Variants in MAPK4 observed in about 807,000 individuals in gnomAD.
MAPK4 encodes the protein Erk3-related.
Under a neutral mutation model 47.7 loss-of-function variants are expected in MAPK4, and 22 were observed. That is an observed-to-expected ratio of 0.46 (90% CI 0.33 to 0.66). The LOEUF is 0.66. Ranked by LOEUF, MAPK4 falls within the 30% of genes least tolerant of loss-of-function variation. The pLI, the probability that MAPK4 is intolerant of heterozygous loss-of-function variation, is 0.02. For missense variants in MAPK4, 736 were observed against 831.7 expected, an observed-to-expected ratio of 0.88 and a Z score of 1.42; for synonymous variants, 390 against 365.7, an observed-to-expected ratio of 1.07 and a Z score of -0.76.
At chr18:50,610,876 T>G (rs917873270) in intron 1 of MAPK4, among the ~76,000 whole-genome samples, 1 of 152,172 alleles carries the variant, frequency 6.6e-6, no homozygotes, top group Admixed American at 6.5e-5. Flanking sequence ...GCCTAATATG[T>G]TACTTCTCCC....
intron 1 of MAPK4, among the ~76,000 whole-genome samples, chr18:50,573,905 AGTATTATAT>A (rs1464398859): frequency 6.6e-6 from 1 of 152,188 alleles, no homozygotes; most frequent in Non-Finnish European, 1.5e-5. Context: ...ATTTTGAGCC[AGTATTATAT>A]GATTTCCATT....
At position 50,663,819 on chromosome 18, in the gene MAPK4, G is replaced by C; in HGVS notation, c.-140G>C. ...TCTCGTCTCCAGAGAGCTGGTGGCAGTGACCTCACTAGGAGAAAACACATC... is the reference window on the plus strand; with the variant it reads ...TCTCGTCTCCAGAGAGCTGGTGGCACTGACCTCACTAGGAGAAAACACATC... On this transcript the variant is annotated 5_prime_UTR_variant, in exon 2 of 6. Transcript: ENST00000400384. The C allele has an allele frequency of 1.5e-6, 1 of 687,738 alleles. No homozygotes were observed. The highest frequency in any genetic ancestry group is 2.4e-6 in the Non-Finnish European group (1 of 412,372). The allele number at this position is 687,738 out of a possible 1,614,324, so 42.6% of individuals were successfully genotyped here. A position where few individuals can be genotyped will look rare whatever the true frequency, so the allele number is the denominator to read the frequency against.
intron 1 of MAPK4, among the ~76,000 whole-genome samples, chr18:50,613,874 G>A (rs2042660939): frequency 6.6e-6 from 1 of 152,164 alleles, no homozygotes. Context: ...TGCCCTAAGA[G>A]AGACCCTAAA....
At chr18:50,680,161 G>A (rs1465702263) in intron 2 of MAPK4, among the ~76,000 whole-genome samples, 4 of 124,498 alleles carry the variant, frequency 3.2e-5, no homozygotes, top group Admixed American at 1.1e-4. Flanking sequence ...GCGCAATCTC[G>A]GCTCACTGCA....
intron 1 of MAPK4, among the ~76,000 whole-genome samples, chr18:50,628,498 T>C (rs1191440603): frequency 6.6e-6 from 1 of 152,240 alleles, no homozygotes; most frequent in African/African-American, 2.4e-5. Flanking sequence ...CTTATCCAAG[T>C]AGCATGTAAT....
At chr18:50,610,969 G>A (rs1472578199) in intron 1 of MAPK4, among the ~76,000 whole-genome samples, 1 of 152,154 alleles carries the variant, frequency 6.6e-6, no homozygotes, top group African/African-American at 2.4e-5. Context: ...ATTTGGACAT[G>A]TACTTAGGTC....
At chr18:50,692,540 A>G (rs907309269) in intron 2 of MAPK4, among the ~76,000 whole-genome samples, 10 of 152,232 alleles carry the variant, frequency 6.6e-5, no homozygotes, top group African/African-American at 2.2e-4. Context: ...GACCTATAAA[A>G]AGGAAACAAC....
chr18:50,573,085 A>C (rs2042263955), intron 1 of MAPK4, among the ~76,000 whole-genome samples: 1 of 152,218 alleles, frequency 6.6e-6, no homozygotes, highest in African/African-American at 2.4e-5. Context: ...GTTAGCAGTG[A>C]TAAAGTAAGA....
intron 1 of MAPK4, among the ~76,000 whole-genome samples, chr18:50,633,947 G>A (rs904534653): frequency 1.3e-5 from 2 of 152,220 alleles, no homozygotes; most frequent in African/African-American, 4.8e-5. Flanking sequence ...GGGGGCCTTA[G>A]TAAGAATTCC....
chr18:50,726,182 G>C lies in MAPK4; in HGVS notation c.1067+7G>C. ...GGGACACGTGCAGTTCCAGGTGCTC[G>C]CAGCCCTGGGTTCCAGAGCCCACAT... On this transcript the variant is annotated splice_region_variant and intron_variant, in intron 5 of 5. Transcript: ENST00000400384. 4.3e-6 allele frequency: 7 copies of C among 1,613,160 alleles called. No individual in the cohort carries two copies. Among genetic ancestry groups the C allele is most frequent in the Non-Finnish European group, 5.9e-6 (7 of 1,179,824 alleles).
At chr18:50,596,634 C>T (rs978004915) in intron 1 of MAPK4, among the ~76,000 whole-genome samples, 1 of 152,138 alleles carries the variant, frequency 6.6e-6, no homozygotes, top group African/African-American at 2.4e-5. Flanking sequence ...ATCCATTGGC[C>T]ATAAGGTGCA....
intron 1 of MAPK4, among the ~76,000 whole-genome samples, chr18:50,606,071 G>A (rs2042581154): frequency 1.3e-5 from 2 of 151,558 alleles, no homozygotes; most frequent in African/African-American, 2.4e-5. Context: ...GCGGGGGCGG[G>A]GGTGGCAGAA....
chr18:50,582,297 G>A (rs963317523), intron 1 of MAPK4, among the ~76,000 whole-genome samples: 25 of 152,216 alleles, frequency 1.6e-4, no homozygotes, highest in African/African-American at 5.3e-4. Context: ...GCTCAGGTGC[G>A]GGTGCCCTTA....
chr18:50,620,773 G>T (rs1374643813), intron 1 of MAPK4, among the ~76,000 whole-genome samples: 1 of 151,608 alleles, frequency 6.6e-6, no homozygotes, highest in East Asian at 1.9e-4. Context: ...ATAGCATAAA[G>T]AACATTATAA....
intron 1 of MAPK4, among the ~76,000 whole-genome samples, chr18:50,603,388 G>A (rs1008654628): frequency 6.6e-6 from 1 of 152,182 alleles, no homozygotes; most frequent in Non-Finnish European, 1.5e-5. Context: ...CTCACCCTGT[G>A]ACCACAACAA....
chr18:50,587,394 C>T (rs2042398055), intron 1 of MAPK4, among the ~76,000 whole-genome samples: 2 of 152,134 alleles, frequency 1.3e-5, no homozygotes, highest in Admixed American at 6.5e-5. Flanking sequence ...GCCTCCAAAA[C>T]GGTTAGAAAT....
At chr18:50,572,014 T>C (rs1363955689) in intron 1 of MAPK4, among the ~76,000 whole-genome samples, 2 of 152,188 alleles carry the variant, frequency 1.3e-5, no homozygotes, top group African/African-American at 2.4e-5. Flanking sequence ...GTAAATCACA[T>C]AGGAAGAGGA....
intron 1 of MAPK4, among the ~76,000 whole-genome samples, chr18:50,643,023 C>G (rs1344090546): frequency 2.0e-5 from 3 of 152,190 alleles, no homozygotes; most frequent in Non-Finnish European, 4.4e-5. Flanking sequence ...AGCAGCAGCT[C>G]TCAACTCAAT....
intron 2 of MAPK4, among the ~76,000 whole-genome samples, chr18:50,701,299 C>G (rs778325850): frequency 1.8e-4 from 27 of 152,020 alleles, no homozygotes; most frequent in Non-Finnish European, 3.7e-4. Context: ...CAACCCTGAC[C>G]AAGGCCCTGG....
Sources: allele counts gnomAD v4.1 joint callset (sites outside exome capture counted in the v4.1 genomes callset), GRCh38; gene constraint gnomAD v4.1.1; transcripts MANE v1.5; gene names NCBI Gene and HGNC (gene_info 2026-07-23, HGNC 2026-07-21).